PCDHGA8: variants seen among roughly 807,000 people sequenced by gnomAD.
PCDHGA8 encodes protocadherin gamma-A8.
In PCDHGA8, 45 loss-of-function variants were observed where a neutral mutation model predicts 59.2. The ratio of observed to expected loss-of-function variants is 0.76; its 90% CI spans 0.60 to 0.98. The LOEUF (loss-of-function observed/expected upper bound fraction) is 0.98. Among genes scored for constraint, PCDHGA8 ranks in the 50% least tolerant of loss-of-function variants. The pLI, the probability that PCDHGA8 is intolerant of heterozygous loss-of-function variation, is 0.00. For missense variants in PCDHGA8, 1,257 were observed against 1,196.2 expected (o/e 1.05, Z -0.75); for synonymous variants, 531 against 519.0 (o/e 1.02, Z -0.32).
At chr5:141,462,020 T>G (rs1371390043) in intron 1 of PCDHGA8, among the ~76,000 whole-genome samples, 6 of 152,110 alleles carry the variant, frequency 3.9e-5, no homozygotes, top group Non-Finnish European at 8.8e-5. Flanking sequence ...ACGGGGTTTC[T>G]TCATGTTGGT....
At position 141,432,360 on chromosome 5, in the gene PCDHGA8, C is replaced by T; in HGVS notation, c.2424+37123C>T. On this transcript the variant is annotated intron_variant, in intron 1 of 3. Transcript: ENST00000398604. This position sits in a 1 kb window ranked among gnomAD's most constrained non-coding sequence, Gnocchi z 6.0. Reference sequence around the variant, plus strand: ...CGAGACTTGCAAGTGAAAGTGATGGCGCGGGACAACGGGCACCCGCCCCTC... The same window carrying T: ...CGAGACTTGCAAGTGAAAGTGATGGTGCGGGACAACGGGCACCCGCCCCTC... 1.9e-6 allele frequency: 3 copies of T among 1,614,228 alleles called. No individual in the cohort carries two copies. The highest frequency in any genetic ancestry group is 1.1e-5 in the South Asian group (1 of 91,088).
At chr5:141,425,546 A>G (rs2096882460) in intron 1 of PCDHGA8, among the ~76,000 whole-genome samples, 1 of 152,202 alleles carries the variant, frequency 6.6e-6, no homozygotes, top group African/African-American at 2.4e-5. Flanking sequence ...CTTTTCAGAA[A>G]CCTCTTTTAT....
chr5:141,407,390 G>T (rs2094924861), intron 1 of PCDHGA8, among the ~76,000 whole-genome samples: 1 of 152,164 alleles, frequency 6.6e-6, no homozygotes, highest in Non-Finnish European at 1.5e-5. Flanking sequence ...GTATGTCATG[G>T]TAGGTAGTTA....
intron 1 of PCDHGA8, chr5:141,410,848 T>TA: frequency 1.9e-5 from 7 of 365,918 alleles, no homozygotes; most frequent in Non-Finnish European, 3.2e-5. Context: ...TTTGTCTTTG[T>TA]CTTTTTTTTT....
At chr5:141,395,498 C>T (rs1055094075) in intron 1 of PCDHGA8, 1 of 484,580 alleles carries the variant, frequency 2.1e-6, no homozygotes, top group Non-Finnish European at 3.6e-6. Context: ...CACTCATTCA[C>T]TTAAGAAGTA....
chr5:141,433,262 T>C (rs2097580507), intron 1 of PCDHGA8: 1 of 1,339,318 alleles, frequency 7.5e-7, no homozygotes, highest in Non-Finnish European at 1.0e-6. Context: ...GGTACGATCA[T>C]AGCTCACTGC....
chr5:141,404,142 C>CAGA (rs781433913), intron 1 of PCDHGA8: 9 of 1,612,668 alleles, frequency 5.6e-6, no homozygotes, highest in Non-Finnish European at 6.8e-6. Flanking sequence ...TTAGAAAATT[C>CAGA]AGAAGAAGAT....
Position 141,486,243 on chromosome 5 carries a change from G to T in PCDHGA8, c.2425-8564G>T. ...TACATCACAGTGACCTCAGAGCTTG[G>T]AACCCTCCCCGAGAGTGCAGAACCT... is the stretch of plus-strand genomic sequence containing the variant. On this transcript the variant is annotated intron_variant, in intron 1 of 3. Coordinates refer to ENST00000398604, the MANE Select transcript of PCDHGA8 (RefSeq NM_032088.2). The surrounding 1 kb of genome is among the most constrained non-coding windows in gnomAD (Gnocchi z 5.0). 1 of 1,614,156 alleles carries T rather than the reference G, an allele frequency of 6.2e-7. No individual in the cohort carries two copies. Among genetic ancestry groups the T allele is most frequent in the Non-Finnish European group, 8.5e-7 (1 of 1,180,018 alleles).
chr5:141,456,026 T>A (rs2098840894), intron 1 of PCDHGA8, among the ~76,000 whole-genome samples: 1 of 151,690 alleles, frequency 6.6e-6, no homozygotes, highest in African/African-American at 2.4e-5. Context: ...GCCTCCCGAG[T>A]AGCTGGGACT....
intron 1 of PCDHGA8, chr5:141,478,305 C>A (rs775282798): frequency 1.2e-6 from 2 of 1,613,974 alleles, no homozygotes; most frequent in Non-Finnish European, 8.5e-7. Flanking sequence ...TACCGAGCCC[C>A]GGTGAGCTCA....
chr5:141,403,390 G>T (rs1471861396), intron 1 of PCDHGA8: 14 of 1,614,038 alleles, frequency 8.7e-6, no homozygotes, highest in African/African-American at 1.3e-5. Context: ...ACGAAATCGC[G>T]GTTCCTGGAG....
At chr5:141,419,623 G>A in intron 1 of PCDHGA8, 1 of 1,612,328 alleles carries the variant, frequency 6.2e-7, no homozygotes, top group East Asian at 2.2e-5. Context: ...GCTACCTGGT[G>A]ACCAAGGTGG....
At chr5:141,465,293 G>A (rs1407146382) in intron 1 of PCDHGA8, among the ~76,000 whole-genome samples, 2 of 152,258 alleles carry the variant, frequency 1.3e-5, no homozygotes, top group South Asian at 2.1e-4. Flanking sequence ...AAAGAACTGA[G>A]AGTCCTGGGA....
At chr5:141,510,579 C>T (rs2099881748) in intron 3 of PCDHGA8, among the ~76,000 whole-genome samples, 1 of 152,170 alleles carries the variant, frequency 6.6e-6, no homozygotes, top group Non-Finnish European at 1.5e-5. Flanking sequence ...CACTATTTTA[C>T]GTACCTGACA....
intron 1 of PCDHGA8, chr5:141,427,811 C>T (rs1335555425): frequency 6.6e-7 from 1 of 1,523,180 alleles, no homozygotes; most frequent in Admixed American, 1.7e-5. Flanking sequence ...GCGCACAGAG[C>T]GGGGTGGTGG....
chr5:141,478,199 C>T lies in PCDHGA8; in HGVS notation c.2425-16608C>T, dbSNP rs759439765. 3.7e-6 allele frequency: 6 copies of T among 1,614,056 alleles called. No homozygotes were observed. The Middle Eastern group carries it at 6.6e-4, about 178-fold the overall frequency. On this transcript the variant is annotated intron_variant, in intron 1 of 3. Coordinates refer to ENST00000398604, the MANE Select transcript of PCDHGA8 (RefSeq NM_032088.2). ...GAAAAAAAATCTCACCTTTTATCTA[C>T]TTCTTTCTCTAATCCTGGTTTCTGT...
At chr5:141,417,875 G>C (rs2096176700) in intron 1 of PCDHGA8, 2 of 1,556,360 alleles carry the variant, frequency 1.3e-6, no homozygotes, top group Non-Finnish European at 1.7e-6. Context: ...AGGGAGCTGC[G>C]CGCAGAGGCG....
At chr5:141,419,617 C>G (rs780077182) in intron 1 of PCDHGA8, 1 of 1,612,280 alleles carries the variant, frequency 6.2e-7, no homozygotes. Flanking sequence ...AGCCAGGCTA[C>G]CTGGTGACCA....
intron 1 of PCDHGA8, among the ~76,000 whole-genome samples, chr5:141,483,094 G>C (rs1304382782): frequency 6.6e-6 from 1 of 152,058 alleles, no homozygotes; most frequent in African/African-American, 2.4e-5. Context: ...CAAAAAAAAA[G>C]TGTGCGTGTA....
Sources: allele counts gnomAD v4.1 joint callset (sites outside exome capture counted in the v4.1 genomes callset), GRCh38; gene constraint gnomAD v4.1.1; non-coding constraint Gnocchi (gnomAD v3.1); transcripts MANE v1.5; gene names NCBI Gene and HGNC (gene_info 2026-07-23, HGNC 2026-07-21).